PCDHA2: variants seen among roughly 807,000 people sequenced by gnomAD.
The protein encoded by PCDHA2 is protocadherin alpha-2.
Under a neutral mutation model 66.0 loss-of-function variants are expected in PCDHA2, and 58 were observed. That is an observed-to-expected ratio of 0.88 (90% CI 0.71 to 1.09). The LOEUF (loss-of-function observed/expected upper bound fraction) is 1.09, where lower values mean the gene tolerates loss of function less well. Among genes scored for constraint, PCDHA2 ranks in the 50% least tolerant of loss-of-function variants. PCDHA2 has a pLI of 0.00. For synonymous variants in PCDHA2, 634 were observed against 554.0 expected, an observed-to-expected ratio of 1.14 and a Z score of -2.03; for missense variants, 1,267 against 1,242.3, an observed-to-expected ratio of 1.02 and a Z score of -0.30.
intron 1 of PCDHA2, chr5:140,805,031 A>ATC (rs1554123195): frequency 3.3e-5 from 53 of 1,582,330 alleles, no homozygotes; most frequent in Non-Finnish European, 4.5e-5. Context: ...TGAATATAAT[A>ATC]GAGTCAGCCA....
At chr5:140,840,491 G>T (rs1308203104) in intron 1 of PCDHA2, among the ~76,000 whole-genome samples, 3 of 152,018 alleles carry the variant, frequency 2.0e-5, no homozygotes, top group Non-Finnish European at 2.9e-5. Context: ...GCATAATTCT[G>T]GTAAATACTC....
chr5:140,805,807 G>C (rs1763634308), intron 1 of PCDHA2, among the ~76,000 whole-genome samples: 1 of 152,022 alleles, frequency 6.6e-6, no homozygotes, highest in Non-Finnish European at 1.5e-5. Flanking sequence ...GAAAATCATA[G>C]AGGCTATTGA....
intron 1 of PCDHA2, chr5:140,966,561 G>T: frequency 2.0e-6 from 1 of 488,962 alleles, no homozygotes; most frequent in African/African-American, 2.0e-5. Flanking sequence ...GGAGGAGCTG[G>T]AATATGGGGA....
intron 1 of PCDHA2, among the ~76,000 whole-genome samples, chr5:140,797,996 G>A (rs1762286083): frequency 6.6e-6 from 1 of 152,112 alleles, no homozygotes; most frequent in South Asian, 2.1e-4. Flanking sequence ...GGGATTACAG[G>A]CGCCCACCAC....
In PCDHA2 at chr5:140,853,541, G is replaced by C. The variant is rs1554146703; in HGVS notation, c.2388+56189G>C. On this transcript the variant is annotated intron_variant, in intron 1 of 3. Coordinates refer to ENST00000526136, the MANE Select transcript of PCDHA2 (RefSeq NM_018905.3). Reference sequence around the variant, plus strand: ...CTCCTCCTATGTCTCTTTTCAAGTTGTAATTACTATATAGGAAAAACTAAG... The same window carrying C: ...CTCCTCCTATGTCTCTTTTCAAGTTCTAATTACTATATAGGAAAAACTAAG... 3 of 979,204 alleles carry C rather than the reference G, an allele frequency of 3.1e-6. 1 individual carries two copies. The highest frequency in any genetic ancestry group is 3.7e-6 in the Non-Finnish European group (3 of 812,050). 60.7% of individuals were successfully genotyped at this position (979,204 alleles called of 1,614,324 possible). A position where few individuals can be genotyped will look rare whatever the true frequency, so the allele number is the denominator to read the frequency against.
chr5:140,829,811 G>A (rs2150175266), intron 1 of PCDHA2: 4 of 1,613,910 alleles, frequency 2.5e-6, no homozygotes, highest in South Asian at 1.1e-5. Flanking sequence ...GGGTGGTACT[G>A]GTGGTGCAGT....
At chr5:140,838,073 ATATAGTGTGT>A (rs1415475897) in intron 1 of PCDHA2, among the ~76,000 whole-genome samples, 44 of 126,826 alleles carry the variant, frequency 3.5e-4, no homozygotes, top group Admixed American at 1.0e-3. Context: ...AGTTATATAT[ATATAGTGTGT>A]GTGTGTGTGT....
chr5:140,869,873 A>C, intron 1 of PCDHA2: 8 of 1,610,644 alleles, frequency 5.0e-6, no homozygotes, highest in Non-Finnish European at 6.8e-6. Flanking sequence ...AATGCTGCTA[A>C]AGAAACTCTT....
chr5:140,954,411 G>A (rs246022), intron 1 of PCDHA2, among the ~76,000 whole-genome samples: 85,294 of 151,642 alleles, frequency 0.56, 24,563 homozygotes, highest in African/African-American at 0.69. Flanking sequence ...ACAGGGTAAA[G>A]GTGTTCCTTT....
At chr5:140,982,211 A>G (rs1554243869) in intron 2 of PCDHA2, 1 of 476,036 alleles carries the variant, frequency 2.1e-6, no homozygotes, top group African/African-American at 2.0e-5. Flanking sequence ...AGTGAGCGCC[A>G]CATGGCGTTA....
In PCDHA2 at chr5:140,958,013, G is replaced by A. The variant is rs553596138; in HGVS notation, c.2389-20936G>A. 2.6e-5 allele frequency among the ~76,000 whole-genome samples: 4 copies of A among 152,110 alleles called. No individual in the cohort carries two copies. In the South Asian group the frequency reaches 8.3e-4, roughly 32 times the overall value. On this transcript the variant is annotated intron_variant, in intron 1 of 3. Coordinates refer to ENST00000526136, the MANE Select transcript of PCDHA2 (RefSeq NM_018905.3). ...CAGATTTTTTGTTTCAATTCTATCA[G>A]CCAAGTATACTATGCTTTCTTTGCT...
chr5:140,926,215 C>T (rs2083014396), intron 1 of PCDHA2, among the ~76,000 whole-genome samples: 1 of 152,170 alleles, frequency 6.6e-6, no homozygotes, highest in Non-Finnish European at 1.5e-5. Flanking sequence ...CTCCTGTTTC[C>T]TTAAGCCTAG....
rs1051787265 is a variant in PCDHA2 at position 140,857,050 on chromosome 5, G to A, written c.2388+59698G>A. On this transcript the variant is annotated intron_variant, in intron 1 of 3. Transcript: ENST00000526136. ...ACCCACCTATGGTTGGTCACTGCAC[G>A]GTCCTAGTGGAACTACTGGATGAAA... is the stretch of plus-strand genomic sequence containing the variant. 1.3e-5 allele frequency: 20 copies of A among 1,595,508 alleles called. 1 individual carries two copies. The highest frequency in any genetic ancestry group is 1.7e-5 in the Non-Finnish European group (20 of 1,165,320).
chr5:140,796,689 C>A lies in PCDHA2; in HGVS notation c.1725C>A (p.Gly575=), dbSNP rs782143025. 1.9e-6 allele frequency: 3 copies of A among 1,613,928 alleles called. No individual in the cohort carries two copies. The highest frequency in any genetic ancestry group is 2.2e-5 in the South Asian group (2 of 91,056). Reference sequence around the variant, plus strand: ...CGCCTAGGGCTGGCACCGCTGCTGGCGCAGTGAGTGAGCTGGTGCCGTGGT... The same window carrying A: ...CGCCTAGGGCTGGCACCGCTGCTGGAGCAGTGAGTGAGCTGGTGCCGTGGT... ...LLAPRAGTAA[G]AVSELVPWSV... is the part of the protein sequence containing the mutation. The change falls in exon 1 of 4, where the codon GGC becomes GGA. Residue 575 remains glycine, a synonymous_variant. Transcript: ENST00000526136.
intron 1 of PCDHA2, among the ~76,000 whole-genome samples, chr5:140,972,711 T>A (rs2096551404): frequency 6.7e-6 from 1 of 148,680 alleles, no homozygotes; most frequent in Non-Finnish European, 1.5e-5. Context: ...GTTGCCAGGC[T>A]GGAGTGCAGT....
At chr5:140,858,018 C>T in intron 1 of PCDHA2, 1 of 1,596,908 alleles carries the variant, frequency 6.3e-7, no homozygotes, top group Non-Finnish European at 8.6e-7. Context: ...GGCGAGCCGT[C>T]GCTGACGGCC....
chr5:140,856,168 C>A, intron 1 of PCDHA2: 1 of 1,598,314 alleles, frequency 6.3e-7, no homozygotes, highest in Non-Finnish European at 8.6e-7. Context: ...AGGCCAGACA[C>A]GGCACCTTCG....
intron 1 of PCDHA2, among the ~76,000 whole-genome samples, chr5:140,837,811 G>A (rs1775265637): frequency 1.3e-5 from 2 of 151,598 alleles, no homozygotes; most frequent in African/African-American, 2.4e-5. Flanking sequence ...GGAGTAGCTG[G>A]GAATACAGTT....
chr5:140,996,232 T>C (rs1054290986), intron 3 of PCDHA2, among the ~76,000 whole-genome samples: 13 of 152,302 alleles, frequency 8.5e-5, no homozygotes, highest in South Asian at 4.1e-4. Flanking sequence ...AAATGGTTGC[T>C]CAAGGCTGAG....
Sources: gnomAD v4.1 joint callset for allele counts (sites outside exome capture counted in the v4.1 genomes callset) on GRCh38, gnomAD v4.1.1 for gene constraint, MANE v1.5 for transcripts, NCBI Gene and HGNC (gene_info 2026-07-23, HGNC 2026-07-21) for gene names.